Variants in COL14A1 observed in about 807,000 individuals in gnomAD.
COL14A1 encodes the protein collagen type XIV alpha 1 chain.
In COL14A1, 136 loss-of-function variants were observed where a neutral mutation model predicts 230.3. The observed-to-expected ratio is 0.59, with a 90% CI of 0.51 to 0.68. The LOEUF is 0.68. Among genes scored for constraint, COL14A1 ranks in the 30% least tolerant of loss-of-function variants. COL14A1 has a pLI of 0.00. For synonymous variants in COL14A1, 792 were observed against 784.1 expected (o/e 1.01, Z -0.17); for missense variants, 1,976 against 2,215.8 (o/e 0.89, Z 2.17).
chr8:120,345,874 C>T (rs1279831245), intron 45 of COL14A1, among the ~76,000 whole-genome samples: 1 of 152,072 alleles, frequency 6.6e-6, no homozygotes, highest in Non-Finnish European at 1.5e-5. Flanking sequence ...AAAAGGGTGC[C>T]CCTTCCAGGT....
chr8:120,193,830 T>C (rs543630868), intron 5 of COL14A1, among the ~76,000 whole-genome samples: 59 of 152,190 alleles, frequency 3.9e-4, no homozygotes, highest in Non-Finnish European at 7.8e-4. Context: ...AGCGAGACTC[T>C]GTGGGCGTAG....
intron 12 of COL14A1, among the ~76,000 whole-genome samples, chr8:120,212,037 G>T (rs1283522976): frequency 6.6e-6 from 1 of 152,212 alleles, no homozygotes; most frequent in Non-Finnish European, 1.5e-5. Context: ...CCAGAGCACT[G>T]GTTAGTATTA....
intron 2 of COL14A1, among the ~76,000 whole-genome samples, chr8:120,157,073 C>T (rs942318345): frequency 5.3e-5 from 8 of 152,250 alleles, no homozygotes; most frequent in African/African-American, 1.7e-4. Flanking sequence ...TTTTGAAATA[C>T]TGGAACATTT....
In COL14A1 at chr8:120,279,920, CTCTG is replaced by C; in HGVS notation, c.3482-10_3482-7del. The C allele has an allele frequency of 5.6e-6, 9 of 1,610,480 alleles. No individual in the cohort carries two copies. The highest frequency in any genetic ancestry group is 7.6e-6 in the Non-Finnish European group (9 of 1,177,992). The stretch of plus-strand genomic sequence containing the variant: ...AATTTAAAGTAATCGGAAATCTGTT[CTCTG>C]TCTGCCACAGGCTATAGCATTTTTG... On this transcript the variant is annotated splice_polypyrimidine_tract_variant and intron_variant, in intron 28 of 47. Coordinates refer to ENST00000297848, the MANE Select transcript of COL14A1 (RefSeq NM_021110.4).
At chr8:120,294,004 G>A (rs144979939) in intron 34 of COL14A1, among the ~76,000 whole-genome samples, 149 of 151,858 alleles carry the variant, frequency 9.8e-4, no homozygotes, top group African/African-American at 3.3e-3. Flanking sequence ...TTGTGATGGC[G>A]TCAATAAAGG....
intron 45 of COL14A1, among the ~76,000 whole-genome samples, chr8:120,363,761 G>A (rs1823310132): frequency 6.6e-6 from 1 of 152,196 alleles, no homozygotes; most frequent in African/African-American, 2.4e-5. Flanking sequence ...ATGTGGGCAT[G>A]AGAATAGGTA....
chr8:120,370,720 T>G, intron 47 of COL14A1: 1 of 1,396,756 alleles, frequency 7.2e-7, no homozygotes. Flanking sequence ...CTCTTCCTCC[T>G]TCCTCTCCCC....
intron 36 of COL14A1, among the ~76,000 whole-genome samples, chr8:120,307,359 G>A (rs1820886087): frequency 6.6e-6 from 1 of 152,200 alleles, no homozygotes; most frequent in Non-Finnish European, 1.5e-5. Context: ...ATCAAGTAGA[G>A]AAATGATTGA....
At chr8:120,314,142 G>A in intron 38 of COL14A1, 115 bp downstream of exon 38, 1 of 697,074 alleles carries the variant, frequency 1.4e-6, no homozygotes, top group Non-Finnish European at 2.3e-6. Context: ...CCCTTTGAAA[G>A]CAATGATGGA....
chr8:120,171,064 C>T, intron 5 of COL14A1, among the ~76,000 whole-genome samples: 1 of 151,774 alleles, frequency 6.6e-6, no homozygotes, highest in East Asian at 1.9e-4. Context: ...TCTTTTTTCC[C>T]CCTTTACACC....
At chr8:120,169,320 T>A (rs1200300478) in intron 5 of COL14A1, among the ~76,000 whole-genome samples, 1 of 152,228 alleles carries the variant, frequency 6.6e-6, no homozygotes, top group Non-Finnish European at 1.5e-5. Context: ...ACTTAAATTT[T>A]TTTCAGTAAT....
chr8:120,300,795 G>A lies in COL14A1; in HGVS notation c.4378G>A (p.Ala1460Thr). 1 of 1,613,564 alleles carries A rather than the reference G, an allele frequency of 6.2e-7. No individual in the cohort carries two copies. The change falls in exon 36 of 48, where the codon GCT (alanine) becomes ACT (threonine). Residue 1460 changes from alanine to threonine, a missense_variant. Ala to Thr is a moderately conservative substitution (Grantham distance 58). Transcript: ENST00000297848. The stretch of plus-strand genomic sequence containing the variant: ...CTCCTGTTCTGAAACCAATGAAGTG[G>A]CTCTGGGACCAGCGGGCCCACCAGT... ...SCSCSETNEVALGPAGPPGGP... is the reference protein window; with the variant it reads ...SCSCSETNEVTLGPAGPPGGP...
chr8:120,166,275 G>A (rs751293820), intron 4 of COL14A1, among the ~76,000 whole-genome samples: 3 of 152,182 alleles, frequency 2.0e-5, no homozygotes, highest in African/African-American at 4.8e-5. Flanking sequence ...GTGCTTTAGG[G>A]TATGTTGTAG....
intron 19 of COL14A1, 142 bp from the exon 20 acceptor site, chr8:120,243,737 A>C: frequency 1.1e-6 from 1 of 905,940 alleles, no homozygotes; most frequent in Non-Finnish European, 1.7e-6. Flanking sequence ...ACGCTTTTGC[A>C]TGAGTGCCCT....
intron 21 of COL14A1, 49 bp downstream of exon 21, chr8:120,247,784 A>G (rs1563694733): frequency 6.3e-7 from 1 of 1,592,864 alleles, no homozygotes; most frequent in East Asian, 2.2e-5. Flanking sequence ...AGTCACTTAA[A>G]ATGTCTTTTA....
At chr8:120,126,562 A>G (rs1814346284) in intron 1 of COL14A1, among the ~76,000 whole-genome samples, 1 of 152,188 alleles carries the variant, frequency 6.6e-6, no homozygotes, top group Admixed American at 6.5e-5. Flanking sequence ...TGTGGAGAGG[A>G]GAGCAGAAAT....
intron 1 of COL14A1, among the ~76,000 whole-genome samples, chr8:120,147,188 T>G (rs567957747): frequency 6.6e-6 from 1 of 152,260 alleles, no homozygotes; most frequent in South Asian, 2.1e-4. Context: ...TTTCTTTTGC[T>G]TGTAGCTCTT....
intron 36 of COL14A1, among the ~76,000 whole-genome samples, chr8:120,304,451 C>G (rs1820801594): frequency 6.6e-6 from 1 of 152,106 alleles, no homozygotes; most frequent in South Asian, 2.1e-4. Flanking sequence ...TACCTTTGTT[C>G]TCATTAGTTT....
chr8:120,189,638 C>A, intron 5 of COL14A1, among the ~76,000 whole-genome samples: 1 of 126,910 alleles, frequency 7.9e-6, no homozygotes, highest in East Asian at 2.8e-4. Flanking sequence ...TCCCCCCTCC[C>A]CCGACCCCAC....
Sources: allele counts gnomAD v4.1 joint callset (sites outside exome capture counted in the v4.1 genomes callset), GRCh38; gene constraint gnomAD v4.1.1; transcripts MANE v1.5; gene names NCBI Gene and HGNC (gene_info 2026-07-23, HGNC 2026-07-21).